Variants in SH3RF3 observed in about 807,000 individuals in gnomAD.
The protein encoded by SH3RF3 is SH3 domain containing ring finger 3, also known as E3 ubiquitin-protein ligase SH3RF3.
A neutral mutation model predicts 66.3 loss-of-function variants in SH3RF3; 29 were observed. That is an observed-to-expected ratio of 0.44 (90% CI 0.33 to 0.60). SH3RF3 has a LOEUF of 0.60. Ranked by LOEUF, SH3RF3 falls within the 20% of genes least tolerant of loss-of-function variation. The pLI, the probability that SH3RF3 is intolerant of heterozygous loss-of-function variation, is 0.04. For missense variants in SH3RF3, 1,194 were observed against 1,190.9 expected, an observed-to-expected ratio of 1.00 and a Z score of -0.04; for synonymous variants, 583 against 532.0, an observed-to-expected ratio of 1.10 and a Z score of -1.32.
At chr2:109,415,271 C>T (rs988878677) in intron 4 of SH3RF3, among the ~76,000 whole-genome samples, 1 of 152,216 alleles carries the variant, frequency 6.6e-6, no homozygotes, top group East Asian at 1.9e-4. Context: ...TTTGTTTCAG[C>T]AGCTGTGAGG....
At chr2:109,301,013 C>A (rs999817570) in intron 1 of SH3RF3, among the ~76,000 whole-genome samples, 1 of 152,188 alleles carries the variant, frequency 6.6e-6, no homozygotes, top group Non-Finnish European at 1.5e-5. Flanking sequence ...TGCAGAGGGG[C>A]AGGGTGTCTC....
rs114810636 is a variant in SH3RF3 at position 109,164,724 on chromosome 2, A to G, written c.573+34611A>G. On this transcript the variant is annotated intron_variant, in intron 1 of 9. Transcript: ENST00000309415. ...CCCATCATGATCAATCAGGCTACCA[A>G]TGTGATATCACCTGGCTTGCAGAAC... 6.7e-3 allele frequency among the ~76,000 whole-genome samples: 1,015 copies of G among 152,250 alleles called. 11 individuals are homozygous for G. Among genetic ancestry groups the G allele is most frequent in the African/African-American group, 0.023 (951 of 41,530 alleles).
intron 1 of SH3RF3, among the ~76,000 whole-genome samples, chr2:109,167,325 T>G (rs568316307): frequency 6.6e-6 from 1 of 152,212 alleles, no homozygotes; most frequent in Non-Finnish European, 1.5e-5. Context: ...ACAAGACTTC[T>G]CAGCACTTGC....
At chr2:109,443,255 T>C (rs1357282128) in intron 7 of SH3RF3, among the ~76,000 whole-genome samples, 1 of 152,268 alleles carries the variant, frequency 6.6e-6, no homozygotes, top group African/African-American at 2.4e-5. Context: ...GACCTGAGGC[T>C]GCCCTATTAA....
chr2:109,381,868 T>G (rs1315421745), intron 3 of SH3RF3, among the ~76,000 whole-genome samples: 2 of 151,918 alleles, frequency 1.3e-5, no homozygotes, highest in Non-Finnish European at 2.9e-5. Context: ...CTGTGCATGT[T>G]TATAAGGGGA....
At chr2:109,303,270 T>C (rs1681513555) in intron 1 of SH3RF3, among the ~76,000 whole-genome samples, 1 of 152,210 alleles carries the variant, frequency 6.6e-6, no homozygotes, top group South Asian at 2.1e-4. Context: ...CCCTCACATA[T>C]GCTTCCCAGT....
intron 7 of SH3RF3, among the ~76,000 whole-genome samples, chr2:109,444,129 A>G (rs1477793221): frequency 6.6e-6 from 1 of 152,240 alleles, no homozygotes; most frequent in Non-Finnish European, 1.5e-5. Flanking sequence ...TTTGAAAACT[A>G]AACAGTTTAC....
intron 3 of SH3RF3, among the ~76,000 whole-genome samples, chr2:109,381,828 T>A (rs1160211073): frequency 6.6e-6 from 1 of 151,976 alleles, no homozygotes; most frequent in African/African-American, 2.4e-5. Flanking sequence ...CATAGTAGAA[T>A]CAGACATGTT....
intron 1 of SH3RF3, among the ~76,000 whole-genome samples, chr2:109,149,360 A>G (rs1677179430): frequency 6.6e-6 from 1 of 152,228 alleles, no homozygotes; most frequent in Non-Finnish European, 1.5e-5. Flanking sequence ...TCAAGAGTCA[A>G]GTGTCTGGCA....
intron 1 of SH3RF3, among the ~76,000 whole-genome samples, chr2:109,285,504 A>G (rs1277918862): frequency 6.6e-6 from 1 of 152,302 alleles, no homozygotes; most frequent in South Asian, 2.1e-4. Context: ...TTAACAGTGC[A>G]TGCTGGGGCA....
chr2:109,493,689 CACACCACACACCATACAT>C (rs2104392344), intron 9 of SH3RF3, among the ~76,000 whole-genome samples: 1 of 151,952 alleles, frequency 6.6e-6, no homozygotes, highest in Admixed American at 6.6e-5. Flanking sequence ...ACACCATACA[CACACCACACACCATACAT>C]ACACACCATA....
intron 1 of SH3RF3, among the ~76,000 whole-genome samples, chr2:109,211,578 A>G (rs999185807): frequency 6.6e-6 from 1 of 152,020 alleles, no homozygotes; most frequent in African/African-American, 2.4e-5. Context: ...TACGTGCTGG[A>G]GAGCACAGCA....
At chr2:109,360,456 C>T (rs192101072) in intron 2 of SH3RF3, among the ~76,000 whole-genome samples, 46 of 152,182 alleles carry the variant, frequency 3.0e-4, no homozygotes, top group Admixed American at 6.5e-4. Context: ...TATAAAATTA[C>T]CTTCAGGTTG....
chr2:109,218,863 A>G (rs1679161285), intron 1 of SH3RF3, among the ~76,000 whole-genome samples: 1 of 152,226 alleles, frequency 6.6e-6, no homozygotes, highest in African/African-American at 2.4e-5. Context: ...ACAAACCCAC[A>G]ATCAATGCAA....
At chr2:109,351,411 A>G (rs1661597130) in intron 2 of SH3RF3, among the ~76,000 whole-genome samples, 1 of 152,228 alleles carries the variant, frequency 6.6e-6, no homozygotes, top group Non-Finnish European at 1.5e-5. Flanking sequence ...TAAATTGTGG[A>G]GCCTAGGGCT....
At chr2:109,162,398 AATTT>A (rs962591361) in intron 1 of SH3RF3, among the ~76,000 whole-genome samples, 2 of 151,924 alleles carry the variant, frequency 1.3e-5, no homozygotes, top group Admixed American at 6.6e-5. Context: ...ACCTTTTTTA[AATTT>A]ATTTATTTAT....
intron 8 of SH3RF3, among the ~76,000 whole-genome samples, chr2:109,481,719 AC>A (rs1678838768): frequency 6.6e-6 from 1 of 152,090 alleles, no homozygotes; most frequent in Admixed American, 6.5e-5. Flanking sequence ...TACAGAGAGC[AC>A]ACTAAGTGCA....
At chr2:109,213,055 G>A (rs867929368) in intron 1 of SH3RF3, among the ~76,000 whole-genome samples, 10 of 152,382 alleles carry the variant, frequency 6.6e-5, no homozygotes, top group African/African-American at 2.4e-4. Flanking sequence ...GGAGGATGCA[G>A]TCCTGGGAAG....
chr2:109,466,973 GTCTT>G (rs1678367624), intron 8 of SH3RF3, among the ~76,000 whole-genome samples: 1 of 152,148 alleles, frequency 6.6e-6, no homozygotes, highest in African/African-American at 2.4e-5. Context: ...GTGTGTGTAT[GTCTT>G]CATACTCTGT....
Sources: allele counts gnomAD v4.1 joint callset (sites outside exome capture counted in the v4.1 genomes callset), GRCh38; gene constraint gnomAD v4.1.1; transcripts MANE v1.5; gene names NCBI Gene and HGNC (gene_info 2026-07-23, HGNC 2026-07-21).